RNF17: variants seen among roughly 807,000 people sequenced by gnomAD.
The protein encoded by RNF17 is ring finger protein 17, also known as spermatogenesis associated 23.
Under a neutral mutation model 200.5 loss-of-function variants are expected in RNF17, and 31 were observed. The ratio of observed to expected loss-of-function variants is 0.15; its 90% CI spans 0.12 to 0.21. RNF17 has a LOEUF of 0.21. Ranked by LOEUF, RNF17 falls within the 10% of genes least tolerant of loss-of-function variation. The pLI is 1.00. For missense variants in RNF17, 1,628 were observed against 1,905.1 expected (o/e 0.85, Z 2.71); for synonymous variants, 606 against 637.8 (o/e 0.95, Z 0.75).
intron 15 of RNF17, among the ~76,000 whole-genome samples, chr13:24,818,075 A>G (rs907848056): frequency 3.3e-5 from 5 of 151,874 alleles, no homozygotes; most frequent in African/African-American, 4.8e-5. Flanking sequence ...TGAGTTTGGT[A>G]TGTTTTGTTT....
At chr13:24,796,055 A>G in intron 10 of RNF17, 82 bp from the exon 11 acceptor site, 2 of 1,057,692 alleles carry the variant, frequency 1.9e-6, no homozygotes, top group Non-Finnish European at 2.7e-6. Context: ...ACACTCTTTT[A>G]GAGGCTATTA....
At chr13:24,788,712 A>G (rs17081161) in intron 7 of RNF17, among the ~76,000 whole-genome samples, 6,694 of 152,248 alleles carry the variant, frequency 0.044, 461 homozygotes, top group African/African-American at 0.15. Context: ...CAAAAAAACA[A>G]AAGTTTCTTA....
chr13:24,847,982 T>C (rs1891440792), intron 22 of RNF17, among the ~76,000 whole-genome samples: 1 of 152,208 alleles, frequency 6.6e-6, no homozygotes, highest in African/African-American at 2.4e-5. Context: ...CTTTAAATGG[T>C]ATCTTATGGA....
At chr13:24,804,458 A>C in intron 15 of RNF17, 29 bp downstream of exon 15, 1 of 1,540,200 alleles carries the variant, frequency 6.5e-7, no homozygotes, top group East Asian at 2.3e-5. Flanking sequence ...TTTGAAATGA[A>C]GTTTTTAAAA....
chr13:24,821,740 C>T (rs141003966), intron 15 of RNF17, among the ~76,000 whole-genome samples: 5 of 152,102 alleles, frequency 3.3e-5, no homozygotes, highest in East Asian at 1.9e-4. Flanking sequence ...CATCATTTTC[C>T]GAATTTTCTT....
chr13:24,817,388 T>A (rs534003847), intron 15 of RNF17, among the ~76,000 whole-genome samples: 6 of 152,302 alleles, frequency 3.9e-5, no homozygotes, highest in Admixed American at 3.9e-4. Flanking sequence ...TTATCCAGTT[T>A]GTTGGCATAC....
intron 30 of RNF17, among the ~76,000 whole-genome samples, chr13:24,866,647 A>G (rs1485716325): frequency 6.6e-6 from 1 of 152,024 alleles, no homozygotes; most frequent in Non-Finnish European, 1.5e-5. Flanking sequence ...CATTGTATGG[A>G]TGTATTTTGT....
intron 10 of RNF17, chr13:24,794,382 T>G (rs975891438): frequency 5.1e-5 from 17 of 333,680 alleles, no homozygotes; most frequent in Non-Finnish European, 8.8e-5. Flanking sequence ...GTTAAAAGTT[T>G]TAATTCCGGG....
intron 4 of RNF17, among the ~76,000 whole-genome samples, chr13:24,779,287 T>C (rs1467681037): frequency 1.3e-5 from 2 of 152,222 alleles, no homozygotes; most frequent in South Asian, 2.1e-4. Context: ...AGTGTAAATC[T>C]TAATGGAGTC....
At chr13:24,881,923 TAG>T (rs1744657164), downstream of RNF17, among the ~76,000 whole-genome samples, 2 of 88,568 alleles carry the variant, frequency 2.3e-5, no homozygotes, top group Non-Finnish European at 5.4e-5. Flanking sequence ...TACATCTATA[TAG>T]ATATATAGAT....
intron 18 of RNF17, among the ~76,000 whole-genome samples, chr13:24,837,207 G>A (rs1414781679): frequency 6.6e-6 from 1 of 152,056 alleles, no homozygotes; most frequent in Non-Finnish European, 1.5e-5. Flanking sequence ...CCTAACACTA[G>A]AGCTCCCAAA....
rs1273652402 is a variant in RNF17 at position 24,850,408 on chromosome 13, G to T, written c.3169G>T (p.Ala1057Ser). 3.1e-6 allele frequency: 5 copies of T among 1,613,136 alleles called. No individual in the cohort carries two copies. The highest frequency in any genetic ancestry group is 4.2e-6 in the Non-Finnish European group (5 of 1,179,486). Reference sequence around the variant, plus strand: ...CTGTCTTTCATTGTACCTGACTGGAGCTGTAGCAACTATAATCTTACAGGT... The same window carrying T: ...CTGTCTTTCATTGTACCTGACTGGATCTGTAGCAACTATAATCTTACAGGT... ...CDCLSLYLTG[A>S]VATIILQVDS... Residue 1057 changes from alanine (A) to serine (S), a missense_variant, in exon 23 of 36, where the codon GCT (alanine) becomes TCT (serine). By Grantham distance (99) the Ala-to-Ser change is moderately conservative (BLOSUM62 1). This residue lies in a region of RNF17 where 609 missense variants were observed against 681.9 expected (regional missense o/e 0.89). Transcript: ENST00000255324.
intron 6 of RNF17, among the ~76,000 whole-genome samples, chr13:24,783,196 C>G (rs755471866): frequency 6.6e-6 from 1 of 152,166 alleles, no homozygotes. Flanking sequence ...CAAAAATGAG[C>G]TCACCATATA....
At chr13:24,833,038 G>A (rs1177900509) in intron 18 of RNF17, among the ~76,000 whole-genome samples, 3 of 152,150 alleles carry the variant, frequency 2.0e-5, no homozygotes, top group African/African-American at 7.2e-5. Flanking sequence ...GAGCCACTTT[G>A]CCTGACTGGG....
the RNF17 span, among the ~76,000 whole-genome samples, chr13:24,756,611 A>G: frequency 1.3e-5 from 2 of 152,036 alleles, no homozygotes; most frequent in Non-Finnish European, 2.9e-5. Flanking sequence ...CAAACCACTC[A>G]GATCCACTTC....
chr13:24,764,542 T>C lies in RNF17; in HGVS notation c.130+209T>C, dbSNP rs931875897. On this transcript the variant is annotated intron_variant, in intron 1 of 35. Coordinates refer to ENST00000255324, the MANE Select transcript of RNF17 (RefSeq NM_031277.3). Reference sequence around the variant, plus strand: ...GGGCAGCACCTGCGCCTGTCACGGCTTTCTCCAATTACCCATCCAGGCCTC... The same window carrying C: ...GGGCAGCACCTGCGCCTGTCACGGCCTTCTCCAATTACCCATCCAGGCCTC... 9 of 319,820 alleles carry C rather than the reference T, an allele frequency of 2.8e-5. No homozygotes were observed. The Admixed American group carries it at 5.8e-4, about 21-fold the overall frequency. 19.8% of individuals were successfully genotyped at this position (319,820 alleles called of 1,614,324 possible). A position where few individuals can be genotyped will look rare whatever the true frequency, so the allele number is the denominator to read the frequency against.
chr13:24,759,465 C>T (rs1878504143), upstream of RNF17, among the ~76,000 whole-genome samples: 1 of 152,136 alleles, frequency 6.6e-6, no homozygotes, highest in Admixed American at 6.5e-5. Flanking sequence ...GGTATTATGC[C>T]TCCAGCATGC....
chr13:24,836,431 G>A lies in RNF17; in HGVS notation c.2482+4453G>A, dbSNP rs113233766. ...GTCATCAGGTTATCAAAGTTAAGAC[G>A]AAAGGATCTTAAGAGCTGTGAGACA... On this transcript the variant is annotated intron_variant, in intron 18 of 35. Transcript: ENST00000255324. 4.0e-3 allele frequency among the ~76,000 whole-genome samples: 615 copies of A among 152,264 alleles called. 1 individual carries two copies. Among genetic ancestry groups the A allele is most frequent in the African/African-American group, 0.014 (566 of 41,546 alleles).
At chr13:24,800,184 C>CGG (rs3039483) in intron 12 of RNF17, among the ~76,000 whole-genome samples, 182 bp from the exon 13 acceptor site, 35 of 152,280 alleles carry the variant, frequency 2.3e-4, no homozygotes, top group African/African-American at 8.4e-4. Context: ...TGGAGGAAAA[C>CGG]TGTCTCTGCT....
Sources: gnomAD v4.1 joint callset for allele counts (sites outside exome capture counted in the v4.1 genomes callset) on GRCh38, gnomAD v4.1.1 for gene constraint, gnomAD v4.1.1 regional missense constraint, MANE v1.5 for transcripts, NCBI Gene and HGNC (gene_info 2026-07-23, HGNC 2026-07-21) for gene names.